The following TGFB2 variants were observed in gnomAD, a reference collection of about 807,000 sequenced individuals.
The protein encoded by TGFB2 is transforming growth factor beta-2 proprotein.
Under a neutral mutation model 42.7 loss-of-function variants are expected in TGFB2, and 13 were observed. That is an observed-to-expected ratio of 0.30 (90% CI 0.20 to 0.48). The LOEUF (loss-of-function observed/expected upper bound fraction) is 0.48. Ranked by LOEUF, TGFB2 falls within the 20% of genes least tolerant of loss-of-function variation. The probability of loss-of-function intolerance (pLI) is 0.99; values close to 1 mark genes in which losing one functional copy is unlikely to be tolerated. For missense variants in TGFB2, 390 were observed against 517.5 expected, an observed-to-expected ratio of 0.75 and a Z score of 2.39; for synonymous variants, 193 against 193.6, an observed-to-expected ratio of 1.00 and a Z score of 0.03.
chr1:218,430,386 C>A (rs1016239160), intron 2 of TGFB2, among the ~76,000 whole-genome samples: 1 of 150,944 alleles, frequency 6.6e-6, no homozygotes, highest in Non-Finnish European at 1.5e-5. Context: ...TAGAGTGAGA[C>A]CCTGTCTCAA....
chr1:218,412,828 G>C (rs1337526930), intron 2 of TGFB2, among the ~76,000 whole-genome samples: 2 of 152,180 alleles, frequency 1.3e-5, no homozygotes, highest in African/African-American at 4.8e-5. Context: ...TTGTTTTTAA[G>C]ACTGATTTAT....
chr1:218,397,800 G>T (rs1194459215), intron 1 of TGFB2, among the ~76,000 whole-genome samples: 1 of 152,166 alleles, frequency 6.6e-6, no homozygotes, highest in Non-Finnish European at 1.5e-5. Flanking sequence ...GCCTCGTTTA[G>T]CTTTGCCTCT....
intron 1 of TGFB2, among the ~76,000 whole-genome samples, chr1:218,348,388 T>C (rs1656763992): frequency 6.6e-6 from 1 of 152,232 alleles, no homozygotes; most frequent in Non-Finnish European, 1.5e-5. Context: ...TTTTAATATT[T>C]ATTTTTAGTT....
At position 218,439,502 on chromosome 1, in the gene TGFB2, G is replaced by T. The variant is rs143438568; in HGVS notation, c.1087-1702G>T. Among the ~76,000 whole-genome samples the T allele has an allele frequency of 4.8e-3, 729 of 152,300 alleles. 14 individuals are homozygous for T. Among genetic ancestry groups the T allele is most frequent in the African/African-American group, 0.017 (699 of 41,560 alleles). On this transcript the variant is annotated intron_variant, in intron 6 of 6. Coordinates refer to ENST00000366930, the MANE Select transcript of TGFB2 (RefSeq NM_003238.6). The stretch of plus-strand genomic sequence containing the variant: ...GTTCATATGAAAACTCATGTGTTCA[G>T]GGAGCATAAAGTATATTTATTTATA...
intron 1 of TGFB2, among the ~76,000 whole-genome samples, chr1:218,402,087 C>T (rs1558246537): frequency 2.0e-5 from 3 of 152,162 alleles, no homozygotes; most frequent in Non-Finnish European, 4.4e-5. Context: ...CAGTTTTTAC[C>T]ACACTCTCGT....
rs777440461 is a variant in TGFB2 at position 218,441,395 on chromosome 1, A to G, written c.*33A>G. The G allele has an allele frequency of 1.9e-6, 3 of 1,583,002 alleles. No homozygotes were observed. The Middle Eastern group carries it at 5.1e-4, about 267-fold the overall frequency. On this transcript the variant is annotated 3_prime_UTR_variant, in exon 7 of 7. Transcript: ENST00000366930. ...GGAAAAGTGGCAAGACCAAAATGAC[A>G]ATGATGATGATAATGATGATGACGA...
intron 1 of TGFB2, among the ~76,000 whole-genome samples, chr1:218,365,969 T>C (rs1657374691): frequency 6.6e-6 from 1 of 152,222 alleles, no homozygotes; most frequent in Non-Finnish European, 1.5e-5. Flanking sequence ...GTTCTGACAC[T>C]GACAATTGGA....
intron 2 of TGFB2, among the ~76,000 whole-genome samples, chr1:218,405,996 T>G (rs892294749): frequency 6.6e-6 from 1 of 152,100 alleles, no homozygotes; most frequent in Non-Finnish European, 1.5e-5. Flanking sequence ...TGGGGAACAG[T>G]CAGTTGACCT....
At chr1:218,361,999 T>A (rs1277770413) in intron 1 of TGFB2, among the ~76,000 whole-genome samples, 6 of 152,208 alleles carry the variant, frequency 3.9e-5, no homozygotes. Flanking sequence ...CATATCTCAG[T>A]TAAAGAGTGT....
At chr1:218,368,224 G>A (rs1016208629) in intron 1 of TGFB2, among the ~76,000 whole-genome samples, 3 of 151,650 alleles carry the variant, frequency 2.0e-5, no homozygotes, top group East Asian at 1.9e-4. Context: ...GGCTCACTGC[G>A]ACCTCCACCA....
chr1:218,428,545 T>G (rs1659699895), intron 2 of TGFB2, among the ~76,000 whole-genome samples: 1 of 149,016 alleles, frequency 6.7e-6, no homozygotes, highest in Non-Finnish European at 1.5e-5. Flanking sequence ...ATTTCAGCTT[T>G]CTACATATGG....
rs1658282688 is a variant in TGFB2, at chr1:218,390,409, T to C, written c.347-14760T>C. ...TTCTCAAAACGACTGTGCTTTCCAA[T>C]AAGTTGGGACCCGCTGGATTAACTC... is the stretch of plus-strand genomic sequence containing the variant. On this transcript the variant is annotated intron_variant, in intron 1 of 6. Coordinates refer to ENST00000366930, the MANE Select transcript of TGFB2 (RefSeq NM_003238.6). 3.3e-5 allele frequency among the ~76,000 whole-genome samples: 5 copies of C among 152,088 alleles called. 1 individual carries two copies. Among genetic ancestry groups the C allele is most frequent in the Admixed American group, 3.3e-4 (5 of 15,256 alleles).
chr1:218,398,920 T>C (rs1379148235), intron 1 of TGFB2, among the ~76,000 whole-genome samples: 5 of 152,118 alleles, frequency 3.3e-5, no homozygotes, highest in African/African-American at 1.2e-4. Flanking sequence ...TCTCACTCTG[T>C]TGCCCAGGCT....
At chr1:218,409,545 T>A (rs1659027347) in intron 2 of TGFB2, among the ~76,000 whole-genome samples, 1 of 152,178 alleles carries the variant, frequency 6.6e-6, no homozygotes, top group Non-Finnish European at 1.5e-5. Flanking sequence ...ATTACAGGAA[T>A]TGATGCCGAT....
chr1:218,360,070 T>G (rs1033033393), intron 1 of TGFB2, among the ~76,000 whole-genome samples: 2 of 152,164 alleles, frequency 1.3e-5, no homozygotes, highest in Non-Finnish European at 2.9e-5. Context: ...AATTTTACCA[T>G]GCAAAATAAT....
At chr1:218,416,868 G>C (rs1193285594) in intron 2 of TGFB2, among the ~76,000 whole-genome samples, 1 of 152,204 alleles carries the variant, frequency 6.6e-6, no homozygotes, top group Non-Finnish European at 1.5e-5. Context: ...TTTAAATAGA[G>C]GTGGTCCCCC....
At chr1:218,399,125 C>A (rs1658626254) in intron 1 of TGFB2, among the ~76,000 whole-genome samples, 1 of 152,046 alleles carries the variant, frequency 6.6e-6, no homozygotes, top group Non-Finnish European at 1.5e-5. Context: ...CTAGCCTTAA[C>A]CAATCCTCCC....
At chr1:218,363,552 AAAGGTGCCTAG>A (rs1338776379) in intron 1 of TGFB2, 6 of 820,122 alleles carry the variant, frequency 7.3e-6, no homozygotes, top group Non-Finnish European at 1.2e-5. Context: ...GAGCGATCAC[AAAGGTGCCTAG>A]AATTTTTTTT....
intron 2 of TGFB2, among the ~76,000 whole-genome samples, chr1:218,406,863 C>G (rs1432286072): frequency 6.6e-6 from 1 of 152,038 alleles, no homozygotes; most frequent in Non-Finnish European, 1.5e-5. Flanking sequence ...CTTGGGATCC[C>G]CGTGATAAGG....
Sources: allele counts gnomAD v4.1 joint callset (sites outside exome capture counted in the v4.1 genomes callset), GRCh38; gene constraint gnomAD v4.1.1; transcripts MANE v1.5; gene names NCBI Gene and HGNC (gene_info 2026-07-23, HGNC 2026-07-21).